DST: variants seen among roughly 807,000 people sequenced by gnomAD.
DST encodes the protein bullous pemphigoid antigen.
Under a neutral mutation model 875.2 loss-of-function variants are expected in DST, and 253 were observed. The observed-to-expected ratio is 0.29, with a 90% CI of 0.26 to 0.32. The LOEUF (loss-of-function observed/expected upper bound fraction) is 0.32, where lower values mean the gene tolerates loss of function less well. DST is among the 10% of genes least tolerant of loss of function. DST has a pLI of 1.00. For synonymous variants in DST, 3,124 were observed against 3,197.1 expected (o/e 0.98, Z 0.77); for missense variants, 8,287 against 9,111.6 (o/e 0.91, Z 3.68).
intron 9 of DST, among the ~76,000 whole-genome samples, chr6:56,690,054 C>T (rs1264295991): frequency 6.6e-6 from 1 of 152,192 alleles, no homozygotes; most frequent in Non-Finnish European, 1.5e-5. Context: ...ACATATCCTT[C>T]ACAGATGACA....
intron 87 of DST, among the ~76,000 whole-genome samples, chr6:56,486,636 G>C (rs1430236439): frequency 2.0e-5 from 3 of 152,130 alleles, no homozygotes; most frequent in Non-Finnish European, 4.4e-5. Context: ...GGTAGATGGA[G>C]TTGGAAAGAA....
At chr6:56,914,161 C>T (rs1562383795) in intron 2 of DST, among the ~76,000 whole-genome samples, 1 of 152,106 alleles carries the variant, frequency 6.6e-6, no homozygotes, top group Non-Finnish European at 1.5e-5. Flanking sequence ...AATAAATATG[C>T]TTGGCTTTCA....
At chr6:56,876,477 C>G (rs1342699672) in intron 3 of DST, among the ~76,000 whole-genome samples, 2 of 152,156 alleles carry the variant, frequency 1.3e-5, no homozygotes, top group African/African-American at 2.4e-5. Context: ...TAATCCAGAC[C>G]TCTAATGCTC....
intron 72 of DST, 72 bp from the exon 73 acceptor site, chr6:56,511,472 T>C (rs940929003): frequency 2.5e-5 from 33 of 1,296,982 alleles, no homozygotes; most frequent in Non-Finnish European, 3.3e-5. Context: ...ACACCTGCAA[T>C]GCATCCAGCT....
Position 56,470,284 on chromosome 6 carries a change from TA to T in DST, c.22322-3del. ...TCTCCAAGCGACTGGTTGGAAACTC[TA>T]AAATTTTGAAAACAATGGTAAGTAG... On this transcript the variant is annotated splice_polypyrimidine_tract_variant and splice_region_variant and intron_variant, in intron 95 of 103. Coordinates refer to ENST00000680361, the MANE Select transcript of DST (RefSeq NM_001374736.1). 1 of 1,591,720 alleles carries T rather than the reference TA, an allele frequency of 6.3e-7. No individual in the cohort carries two copies. Among genetic ancestry groups the T allele is most frequent in the Non-Finnish European group, 8.6e-7 (1 of 1,167,160 alleles).
In DST at chr6:56,606,852, C is replaced by G. The variant is rs45564536; in HGVS notation, c.7776G>C (p.Thr2592=). The G allele has an allele frequency of 6.2e-7, 1 of 1,613,080 alleles. No homozygotes were observed. The change falls in exon 40 of 104, where the codon ACG becomes ACC. Residue 2592 remains threonine (T), a synonymous_variant. Transcript: ENST00000680361. ...DETISASDYE[T]SLLNDQQNNT... ...TATTCTGCTGATCATTCAGCAGTGA[C>G]GTTTCATAGTCACTAGCACTGATGG...
intron 4 of DST, among the ~76,000 whole-genome samples, chr6:56,830,678 C>T (rs1048112162): frequency 6.6e-6 from 1 of 152,124 alleles, no homozygotes; most frequent in African/African-American, 2.4e-5. Flanking sequence ...GTAACTAAAT[C>T]CTCTACAGTC....
At chr6:56,859,826 A>G (rs1387119721) in intron 3 of DST, among the ~76,000 whole-genome samples, 1 of 152,210 alleles carries the variant, frequency 6.6e-6, no homozygotes, top group African/African-American at 2.4e-5. Flanking sequence ...TTAGTGGAAT[A>G]GTATAAATAC....
At chr6:56,727,367 T>C (rs1452674777) in intron 5 of DST, among the ~76,000 whole-genome samples, 2 of 152,180 alleles carry the variant, frequency 1.3e-5, no homozygotes, top group East Asian at 3.9e-4. Context: ...GGCTATGTCA[T>C]GGGCACACAT....
intron 22 of DST, among the ~76,000 whole-genome samples, chr6:56,637,347 C>T (rs1049037048): frequency 4.8e-4 from 73 of 152,014 alleles, no homozygotes; most frequent in African/African-American, 1.8e-3. Flanking sequence ...TTTACAAAAC[C>T]AACACTTGAC....
At chr6:56,490,692 TAGA>T (rs547842983) in intron 85 of DST, among the ~76,000 whole-genome samples, 6 of 152,228 alleles carry the variant, frequency 3.9e-5, no homozygotes, top group Non-Finnish European at 5.9e-5. Flanking sequence ...ACTGAGATAT[TAGA>T]AGAAGAAGAA....
chr6:56,788,391 A>G (rs1385915596), intron 4 of DST, among the ~76,000 whole-genome samples: 1 of 151,958 alleles, frequency 6.6e-6, no homozygotes, highest in African/African-American at 2.4e-5. Context: ...CATGTTGGTC[A>G]GGTTGGTCTT....
At chr6:56,613,112 T>C (rs2098558283) in intron 37 of DST, among the ~76,000 whole-genome samples, 1 of 152,104 alleles carries the variant, frequency 6.6e-6, no homozygotes, top group African/African-American at 2.4e-5. Context: ...AGAAACTAAC[T>C]CTCCCAAGGA....
intron 3 of DST, among the ~76,000 whole-genome samples, chr6:56,882,042 C>T (rs1157261737): frequency 6.6e-6 from 1 of 152,136 alleles, no homozygotes; most frequent in African/African-American, 2.4e-5. Flanking sequence ...ATAATTTTTG[C>T]CCTTCTGAAC....
At chr6:56,511,518 A>C in intron 72 of DST, 118 bp from the exon 73 acceptor site, 1 of 777,188 alleles carries the variant, frequency 1.3e-6, no homozygotes, top group Admixed American at 2.3e-5. Context: ...CCCCATCACA[A>C]GGCATTTAAC....
intron 2 of DST, among the ~76,000 whole-genome samples, chr6:56,915,639 C>T (rs1476861472): frequency 6.6e-6 from 1 of 152,158 alleles, no homozygotes; most frequent in African/African-American, 2.4e-5. Context: ...TAAGTCACAG[C>T]AAAGTCCTAA....
chr6:56,645,010 T>G (rs1447677465), intron 15 of DST, among the ~76,000 whole-genome samples: 1 of 152,236 alleles, frequency 6.6e-6, no homozygotes, highest in East Asian at 1.9e-4. Flanking sequence ...AGCTCTTGCC[T>G]GCTGACATGT....
At chr6:56,466,946 T>C (rs1026852887) in intron 98 of DST, 2 of 152,204 alleles carry the variant, frequency 1.3e-5, no homozygotes, top group African/African-American at 4.8e-5. Flanking sequence ...GGCAATCATC[T>C]TTTTCTTGCC....
intron 48 of DST, among the ~76,000 whole-genome samples, chr6:56,593,269 ACTTTGGGAAGC>A (rs981762315): frequency 1.5e-4 from 23 of 152,288 alleles, no homozygotes; most frequent in Admixed American, 3.9e-4. Flanking sequence ...CAATCCCAGC[ACTTTGGGAAGC>A]CGAGGTGAGC....
Sources: allele counts gnomAD v4.1 joint callset (sites outside exome capture counted in the v4.1 genomes callset), GRCh38; gene constraint gnomAD v4.1.1; transcripts MANE v1.5; gene names NCBI Gene and HGNC (gene_info 2026-07-23, HGNC 2026-07-21).